The following COL11A1 variants were observed in gnomAD, a reference collection of about 807,000 sequenced individuals.
COL11A1 encodes the protein collagen type XI alpha 1 chain, also known as collagen alpha-1(XI) chain.
Under a neutral mutation model 265.2 loss-of-function variants are expected in COL11A1, and 74 were observed. The ratio of observed to expected loss-of-function variants is 0.28; its 90% CI spans 0.23 to 0.34. The LOEUF is 0.34. Among genes scored for constraint, COL11A1 ranks in the 10% least tolerant of loss-of-function variants. The pLI, the probability that COL11A1 is intolerant of heterozygous loss-of-function variation, is 1.00. For synonymous variants in COL11A1, 816 were observed against 727.6 expected (o/e 1.12, Z -1.96); for missense variants, 2,165 against 2,263.6 (o/e 0.96, Z 0.88).
At chr1:103,022,694 A>G (rs1667192433) in intron 8 of COL11A1, 48 bp downstream of exon 8, 1 of 1,608,874 alleles carries the variant, frequency 6.2e-7, no homozygotes. Flanking sequence ...ACATAAAAAT[A>G]TCCCATAAAT....
rs1666210129 is a variant in COL11A1 at position 103,012,443 on chromosome 1, T to G, written c.1599A>C (p.Pro533=). 1.2e-6 allele frequency: 2 copies of G among 1,613,336 alleles called. No individual in the cohort carries two copies. The highest frequency in any genetic ancestry group is 1.1e-5 in the South Asian group (1 of 91,032). ...GACCTGGTCTTCCAGTTAGACCCAT[T>G]GGGCCAGGTGGGCCTCTCAGAGCAA... The part of the protein sequence containing the change: ...ARIALRGPPG[P]MGLTGRPGPV... The change falls in exon 14 of 67, where the codon CCA becomes CCC. Residue 533 remains proline (P), a synonymous_variant. Transcript: ENST00000370096.
At chr1:102,920,477 G>C (rs1655859845) in intron 48 of COL11A1, 113 bp from the exon 49 acceptor site, 2 of 878,516 alleles carry the variant, frequency 2.3e-6, no homozygotes, top group Admixed American at 1.9e-5. Context: ...AGTATTCTTA[G>C]TCATTTAAAG....
intron 1 of COL11A1, among the ~76,000 whole-genome samples, chr1:103,107,180 A>T (rs4908291): frequency 0.45 from 68,377 of 151,766 alleles, 18,147 homozygotes; most frequent in East Asian, 0.91. Flanking sequence ...GGGTACTGAC[A>T]GGGTTGCAGA....
chr1:102,907,641 A>G lies in COL11A1; in HGVS notation c.4086+4518T>C, dbSNP rs567311986. Among the ~76,000 whole-genome samples, 97 of 152,222 alleles carry G rather than the reference A, an allele frequency of 6.4e-4. 1 individual carries two copies. Among genetic ancestry groups the G allele is most frequent in the African/African-American group, 2.3e-3 (96 of 41,584 alleles). ...TATTATATAAATGAAATAATGTAAT[A>G]TATATTTTCCAGTTCAACGTTATAT... On this transcript the variant is annotated intron_variant, in intron 54 of 66. Transcript: ENST00000370096.
chr1:103,107,975 T>A (rs544952814), intron 1 of COL11A1, 98 bp downstream of exon 1: 2 of 846,648 alleles, frequency 2.4e-6, no homozygotes, highest in South Asian at 1.5e-5. Context: ...TTTTTTTTTT[T>A]CTTGAAGAGC....
intron 30 of COL11A1, among the ~76,000 whole-genome samples, chr1:102,986,973 T>A (rs190507731): frequency 6.6e-6 from 1 of 150,766 alleles, no homozygotes; most frequent in Non-Finnish European, 1.5e-5. Flanking sequence ...AAATGCATGT[T>A]TAAGTGGAAA....
intron 4 of COL11A1, among the ~76,000 whole-genome samples, chr1:103,069,041 C>A (rs1042682876): frequency 1.3e-5 from 2 of 151,670 alleles, no homozygotes; most frequent in African/African-American, 2.4e-5. Flanking sequence ...AAAACCACAA[C>A]TTCTTGTAGA....
At chr1:102,962,952 A>T (rs1661063188) in intron 38 of COL11A1, among the ~76,000 whole-genome samples, 192 bp from the exon 39 acceptor site, 1 of 152,238 alleles carries the variant, frequency 6.6e-6, no homozygotes, top group Non-Finnish European at 1.5e-5. Context: ...ATTTTATATA[A>T]TCTTGGTTAG....
rs12731843 is a variant in COL11A1, at chr1:103,025,905, T to G, written c.898-292A>C. 105,275 of 1,612,598 alleles carry G rather than the reference T, an allele frequency of 0.065. 3,701 individuals carry two copies. Among genetic ancestry groups the G allele is most frequent in the African/African-American group, 0.12 (8,782 of 74,972 alleles). The stretch of plus-strand genomic sequence containing the variant: ...TAAACTTTTTGGATTTTTCCTTTGA[T>G]TTAGTAGCCACTGTCCTCATCTTCT... On this transcript the variant is annotated intron_variant, in intron 6 of 66. Coordinates refer to ENST00000370096, the MANE Select transcript of COL11A1 (RefSeq NM_001854.4).
At chr1:102,983,150 T>G (rs1346017526) in intron 31 of COL11A1, among the ~76,000 whole-genome samples, 2 of 152,056 alleles carry the variant, frequency 1.3e-5, no homozygotes, top group Non-Finnish European at 2.9e-5. Context: ...ATCAAGTGCA[T>G]CCTTAACAAA....
chr1:102,887,060 TA>T lies in COL11A1; in HGVS notation c.4609-5del. 1 of 1,613,676 alleles carries T rather than the reference TA, an allele frequency of 6.2e-7. No individual in the cohort carries two copies. Among genetic ancestry groups the T allele is most frequent in the Non-Finnish European group, 8.5e-7 (1 of 1,179,766 alleles). Reference sequence around the variant, plus strand: ...GAATGACTTCACCAGGTGGACCCTGTAAAGAAGATAATGTGAGTGCAATTGT... The same window carrying T: ...GAATGACTTCACCAGGTGGACCCTGTAAGAAGATAATGTGAGTGCAATTGT... On this transcript the variant is annotated splice_polypyrimidine_tract_variant and splice_region_variant and intron_variant, in intron 62 of 66. Transcript: ENST00000370096.
At chr1:103,023,037 T>C in intron 7 of COL11A1, 41 bp from the exon 8 acceptor site, 1 of 1,594,096 alleles carries the variant, frequency 6.3e-7, no homozygotes, top group Non-Finnish European at 8.6e-7. Context: ...ACATGAAGTT[T>C]ATTGTTAGTA....
chr1:103,035,703 T>C (rs535644378), intron 4 of COL11A1, among the ~76,000 whole-genome samples: 2 of 152,158 alleles, frequency 1.3e-5, no homozygotes, highest in Admixed American at 1.3e-4. Context: ...AAAATATTCA[T>C]CTAGACAACC....
rs754424269 is a variant in COL11A1, at chr1:103,078,694, T to C, written c.452A>G (p.Tyr151Cys). ...DHTGKPAPED[Y>C]PLFRTVNIAD... ...GATGTTAACAGTTCTGAAGAGGGGATAGTCTTCTGGGGCAGGTTTTCCAGT... is the reference window on the plus strand; with the variant it reads ...GATGTTAACAGTTCTGAAGAGGGGACAGTCTTCTGGGGCAGGTTTTCCAGT... Residue 151 changes from tyrosine to cysteine, a missense_variant, in exon 3 of 67, where the codon TAT (tyrosine) becomes TGT (cysteine). Transcript: ENST00000370096. 5 of 1,613,450 alleles carry C rather than the reference T, an allele frequency of 3.1e-6. No homozygotes were observed. Among genetic ancestry groups the C allele is most frequent in the South Asian group, 1.1e-5 (1 of 91,078 alleles).
rs199589455 is a variant in COL11A1 at position 103,074,806 on chromosome 1, T to C, written c.489-26A>G. 3.4e-4 allele frequency: 552 copies of C among 1,612,022 alleles called. 1 individual carries two copies. Among genetic ancestry groups the C allele is most frequent in the Non-Finnish European group, 3.8e-4 (444 of 1,179,004 alleles). On this transcript the variant is annotated intron_variant, in intron 3 of 66. Coordinates refer to ENST00000370096, the MANE Select transcript of COL11A1 (RefSeq NM_001854.4). ...CTAAAAAAGACAAGTAATTCTTTTGTAAGCTTCAAAGAAACAGTGGTTGCC... is the reference window on the plus strand; with the variant it reads ...CTAAAAAAGACAAGTAATTCTTTTGCAAGCTTCAAAGAAACAGTGGTTGCC...
chr1:103,058,983 T>C (rs962129219), intron 4 of COL11A1, among the ~76,000 whole-genome samples: 2 of 152,172 alleles, frequency 1.3e-5, no homozygotes, highest in Non-Finnish European at 2.9e-5. Context: ...GTTTAAAATA[T>C]TGTGAGAATT....
chr1:103,030,492 C>A (rs1472141623), intron 5 of COL11A1, among the ~76,000 whole-genome samples: 8 of 151,488 alleles, frequency 5.3e-5, no homozygotes, highest in Non-Finnish European at 1.2e-4. Flanking sequence ...ATTTTTAGAA[C>A]AGTTTTGATA....
intron 1 of COL11A1, among the ~76,000 whole-genome samples, chr1:103,104,506 CTT>C (rs1674541696): frequency 6.6e-6 from 1 of 152,096 alleles, no homozygotes; most frequent in African/African-American, 2.4e-5. Context: ...TACTGCATAA[CTT>C]TGTTTAAAAC....
At chr1:102,990,218 G>T (rs1022222348) in intron 28 of COL11A1, among the ~76,000 whole-genome samples, 9 of 151,868 alleles carry the variant, frequency 5.9e-5, no homozygotes, top group African/African-American at 2.2e-4. Context: ...AACAACAAAA[G>T]GAAACACTTA....
Sources: gnomAD v4.1 joint callset for allele counts (sites outside exome capture counted in the v4.1 genomes callset) on GRCh38, gnomAD v4.1.1 for gene constraint, MANE v1.5 for transcripts, NCBI Gene and HGNC (gene_info 2026-07-23, HGNC 2026-07-21) for gene names.